The following ABLIM1 variants were observed in gnomAD, a reference collection of about 807,000 sequenced individuals.
ABLIM1 encodes actin-binding LIM protein 1.
A neutral mutation model predicts 107.0 loss-of-function variants in ABLIM1; 40 were observed. The observed-to-expected ratio is 0.37, with a 90% CI of 0.29 to 0.49. The LOEUF (loss-of-function observed/expected upper bound fraction) is 0.49, where lower values mean the gene tolerates loss of function less well. ABLIM1 is among the 20% of genes least tolerant of loss of function. ABLIM1 has a pLI of 0.97. For synonymous variants in ABLIM1, 357 were observed against 357.3 expected (o/e 1.00, Z 0.01); for missense variants, 857 against 1,008.5 (o/e 0.85, Z 2.04).
At chr10:114,776,688 G>C in the ABLIM1 span, among the ~76,000 whole-genome samples, 1 of 152,164 alleles carries the variant, frequency 6.6e-6, no homozygotes, top group African/African-American at 2.4e-5. Context: ...GCAGTGGTGT[G>C]ATCATAGCTC....
At chr10:114,470,620 TA>T (rs1248897324) in intron 10 of ABLIM1, among the ~76,000 whole-genome samples, 1 of 152,158 alleles carries the variant, frequency 6.6e-6, no homozygotes, top group African/African-American at 2.4e-5. Context: ...CCATGGGACA[TA>T]ATTCCAGGTT....
chr10:114,540,905 C>T (rs182997046), intron 6 of ABLIM1, among the ~76,000 whole-genome samples: 1 of 152,138 alleles, frequency 6.6e-6, no homozygotes. Flanking sequence ...TTCCCTGGAA[C>T]CTGTGAATGC....
chr10:114,532,290 A>G (rs1403339330), intron 6 of ABLIM1, among the ~76,000 whole-genome samples: 2 of 152,236 alleles, frequency 1.3e-5, no homozygotes, highest in African/African-American at 2.4e-5. Flanking sequence ...AGGCCACTCC[A>G]AACTTTCCCT....
At chr10:114,797,496 C>T in the ABLIM1 span, among the ~76,000 whole-genome samples, 1 of 152,062 alleles carries the variant, frequency 6.6e-6, no homozygotes, top group Non-Finnish European at 1.5e-5. Context: ...CACTTAGTGT[C>T]TCTCTCATTC....
rs2059338421 is a variant in ABLIM1, at chr10:114,436,063, C to T, written c.*197G>A. 7.0e-6 allele frequency: 4 copies of T among 568,818 alleles called. No individual in the cohort carries two copies. Among genetic ancestry groups the T allele is most frequent in the African/African-American group, 1.9e-5 (1 of 53,472 alleles). 35.2% of individuals were successfully genotyped at this position (568,818 alleles called of 1,614,324 possible). A position where few individuals can be genotyped will look rare whatever the true frequency, so the allele number is the denominator to read the frequency against. On this transcript the variant is annotated 3_prime_UTR_variant, in exon 23 of 23. Coordinates refer to ENST00000533213, the MANE Select transcript of ABLIM1 (RefSeq NM_002313.7). ...GTGTTTCGGAACATAGAAATTTCTACGCCATGCTTCTTGGCAAGTGTTACT... is the reference window on the plus strand; with the variant it reads ...GTGTTTCGGAACATAGAAATTTCTATGCCATGCTTCTTGGCAAGTGTTACT...
At chr10:114,548,090 A>G (rs961669135) in intron 4 of ABLIM1, among the ~76,000 whole-genome samples, 3 of 152,174 alleles carry the variant, frequency 2.0e-5, no homozygotes, top group African/African-American at 7.2e-5. Context: ...AGAATATTTA[A>G]TTATAGTGTC....
intron 1 of ABLIM1, among the ~76,000 whole-genome samples, chr10:114,715,793 T>A (rs968760065): frequency 6.6e-5 from 10 of 152,182 alleles, no homozygotes; most frequent in Non-Finnish European, 1.5e-4. Flanking sequence ...TAAAAAAAAA[T>A]TTCTTCTGAA....
chr10:114,437,306 T>C (rs551000658), intron 22 of ABLIM1, among the ~76,000 whole-genome samples: 10 of 151,052 alleles, frequency 6.6e-5, no homozygotes, highest in Middle Eastern at 3.4e-3. Context: ...ATTCTTTTTT[T>C]CTTTTTCTTT....
At chr10:114,688,666 A>C (rs1478171819), upstream of ABLIM1, among the ~76,000 whole-genome samples, 2 of 152,208 alleles carry the variant, frequency 1.3e-5, no homozygotes, top group Non-Finnish European at 2.9e-5. Context: ...TGAGAAGTTA[A>C]AGAAATTGCC....
upstream of ABLIM1, among the ~76,000 whole-genome samples, chr10:114,770,860 C>A (rs1477163788): frequency 6.6e-6 from 1 of 152,150 alleles, no homozygotes; most frequent in Admixed American, 6.5e-5. Flanking sequence ...GAGACAGAGT[C>A]TCGCTCTATC....
chr10:114,465,524 G>A, intron 12 of ABLIM1, 174 bp downstream of exon 12: 5 of 665,714 alleles, frequency 7.5e-6, no homozygotes, highest in Non-Finnish European at 6.9e-6. Flanking sequence ...GATGACTGAT[G>A]TTTCAAGAAA....
At chr10:114,451,810 T>A in intron 13 of ABLIM1, 139 bp from the exon 14 acceptor site, 1 of 749,370 alleles carries the variant, frequency 1.3e-6, no homozygotes, top group Non-Finnish European at 2.2e-6. Context: ...TTACAAAGAT[T>A]GAGTTTATTG....
chr10:114,514,548 A>C (rs2136167173), intron 6 of ABLIM1, among the ~76,000 whole-genome samples: 1 of 152,184 alleles, frequency 6.6e-6, no homozygotes, highest in African/African-American at 2.4e-5. Flanking sequence ...CTAATTTAAA[A>C]AAATTTTTTT....
intron 4 of ABLIM1, among the ~76,000 whole-genome samples, chr10:114,559,721 T>C (rs1361921350): frequency 1.3e-5 from 2 of 152,228 alleles, no homozygotes; most frequent in Non-Finnish European, 2.9e-5. Flanking sequence ...AAGGACTTTG[T>C]ATCTTTTTGC....
intron 2 of ABLIM1, among the ~76,000 whole-genome samples, chr10:114,594,479 G>C (rs527557223): frequency 1.4e-4 from 22 of 152,320 alleles, no homozygotes; most frequent in Non-Finnish European, 2.1e-4. Flanking sequence ...GCTGGGTGCG[G>C]TGGCCCATAC....
At chr10:114,441,667 A>C (rs1457710406) in intron 18 of ABLIM1, 55 bp downstream of exon 18, 27 of 1,529,092 alleles carry the variant, frequency 1.8e-5, no homozygotes, top group Non-Finnish European at 2.4e-5. Flanking sequence ...CAATACTTCA[A>C]CCAGGGCCGA....
At chr10:114,538,801 C>T (rs1222614182) in intron 6 of ABLIM1, among the ~76,000 whole-genome samples, 1 of 152,208 alleles carries the variant, frequency 6.6e-6, no homozygotes, top group South Asian at 2.1e-4. Flanking sequence ...GAGGGCCGAG[C>T]GCCTTTGTCC....
chr10:114,791,593 G>A, the ABLIM1 span, among the ~76,000 whole-genome samples: 1 of 151,402 alleles, frequency 6.6e-6, no homozygotes, highest in South Asian at 2.1e-4. Context: ...AGCCAAGATT[G>A]CGCCACTGCA....
At chr10:114,605,385 A>G (rs189845326) in intron 1 of ABLIM1, among the ~76,000 whole-genome samples, 168 of 152,296 alleles carry the variant, frequency 1.1e-3, no homozygotes, top group African/African-American at 3.7e-3. Flanking sequence ...TTATCTGCCA[A>G]CTGGTTGTGC....
Sources: gnomAD v4.1 joint callset for allele counts (sites outside exome capture counted in the v4.1 genomes callset) on GRCh38, gnomAD v4.1.1 for gene constraint, MANE v1.5 for transcripts, NCBI Gene and HGNC (gene_info 2026-07-23, HGNC 2026-07-21) for gene names.